The following TANC2 variants were observed in gnomAD, a reference collection of about 807,000 sequenced individuals.
TANC2 encodes the protein tetratricopeptide repeat, ankyrin repeat and coiled-coil containing 2, also known as protein TANC2.
TANC2 carries 26 observed loss-of-function variants against 210.5 expected under a neutral mutation model. The ratio of observed to expected loss-of-function variants is 0.12; its 90% confidence interval spans 0.09 to 0.17. TANC2 has a LOEUF of 0.17. Ranked by LOEUF, TANC2 falls within the 10% of genes least tolerant of loss-of-function variation. The pLI is 1.00. For missense variants in TANC2, 2,129 were observed against 2,608.9 expected (o/e 0.82, Z 4.01); for synonymous variants, 931 against 967.1 (o/e 0.96, Z 0.69).
At chr17:63,208,940 T>A (rs1263539779) in intron 7 of TANC2, among the ~76,000 whole-genome samples, 1 of 152,180 alleles carries the variant, frequency 6.6e-6, no homozygotes, top group Non-Finnish European at 1.5e-5. Context: ...AAATAATGAC[T>A]TTTTATGTTT....
chr17:63,170,080 C>T (rs907923795), intron 5 of TANC2, among the ~76,000 whole-genome samples: 1 of 147,992 alleles, frequency 6.8e-6, no homozygotes, highest in African/African-American at 2.5e-5. Context: ...GATCGCGCCA[C>T]TGCACTCCAA....
At chr17:63,281,647 T>C (rs1164144720) in intron 9 of TANC2, among the ~76,000 whole-genome samples, 1 of 152,072 alleles carries the variant, frequency 6.6e-6, no homozygotes, top group Non-Finnish European at 1.5e-5. Context: ...TGTAATTGAA[T>C]AATGTATCCC....
chr17:63,002,807 T>C (rs2033447162), intron 1 of TANC2, among the ~76,000 whole-genome samples: 1 of 152,246 alleles, frequency 6.6e-6, no homozygotes, highest in Non-Finnish European at 1.5e-5. Context: ...CTGTGTTGAC[T>C]GTATGAGTAG....
intron 8 of TANC2, among the ~76,000 whole-genome samples, chr17:63,246,314 A>G (rs1006770624): frequency 6.6e-6 from 1 of 151,894 alleles, no homozygotes. Context: ...TTTAAAAACA[A>G]GTATATTGAG....
chr17:63,104,819 A>G (rs906312593), intron 4 of TANC2, among the ~76,000 whole-genome samples: 3 of 151,904 alleles, frequency 2.0e-5, no homozygotes, highest in African/African-American at 7.3e-5. Flanking sequence ...AGACAGTATA[A>G]CAAAATGAAC....
intron 5 of TANC2, among the ~76,000 whole-genome samples, chr17:63,158,845 T>C (rs1482547403): frequency 2.0e-5 from 3 of 152,224 alleles, no homozygotes; most frequent in Non-Finnish European, 4.4e-5. Flanking sequence ...CAGCTGAGGC[T>C]GTAGTCATCT....
At chr17:63,131,580 A>G (rs988350183) in intron 4 of TANC2, among the ~76,000 whole-genome samples, 2 of 151,810 alleles carry the variant, frequency 1.3e-5, no homozygotes, top group Non-Finnish European at 2.9e-5. Flanking sequence ...TGGAATGTAA[A>G]TTTGCTTTCA....
chr17:63,014,176 T>C (rs886265649), intron 2 of TANC2, among the ~76,000 whole-genome samples: 1 of 152,194 alleles, frequency 6.6e-6, no homozygotes, highest in African/African-American at 2.4e-5. Context: ...AATTATTGAA[T>C]TTTTCAATTC....
At chr17:63,318,075 T>C (rs2045369813) in intron 10 of TANC2, among the ~76,000 whole-genome samples, 1 of 152,178 alleles carries the variant, frequency 6.6e-6, no homozygotes, top group African/African-American at 2.4e-5. Context: ...GACCAAGAAA[T>C]TTACTGCACC....
At chr17:63,172,595 A>G (rs1331361059) in intron 5 of TANC2, among the ~76,000 whole-genome samples, 1 of 152,220 alleles carries the variant, frequency 6.6e-6, no homozygotes, top group Non-Finnish European at 1.5e-5. Context: ...ACCCATTTAA[A>G]TAATTTAATA....
intron 12 of TANC2, among the ~76,000 whole-genome samples, chr17:63,349,497 C>G (rs2046527968): frequency 6.6e-6 from 1 of 152,110 alleles, no homozygotes; most frequent in Non-Finnish European, 1.5e-5. Flanking sequence ...CAGTGGTGTG[C>G]TGGTAAATTT....
At chr17:63,293,024 G>A (rs536348732) in intron 9 of TANC2, among the ~76,000 whole-genome samples, 44 of 152,276 alleles carry the variant, frequency 2.9e-4, no homozygotes, top group Admixed American at 2.4e-3. Flanking sequence ...TTTACAGAAT[G>A]TATCTAGAGT....
At position 63,205,344 on chromosome 17, in the gene TANC2, CAAAAA is replaced by C. The variant is rs1158768609; in HGVS notation, c.769+4411_769+4415del. 3.7e-3 allele frequency among the ~76,000 whole-genome samples: 30 copies of C among 8,072 alleles called. 1 individual carries two copies. Among genetic ancestry groups the C allele is most frequent in the African/African-American group, 0.013 (25 of 1,876 alleles). 5.3% of individuals were successfully genotyped at this position (8,072 alleles called of 152,430 possible). On this transcript the variant is annotated intron_variant, in intron 7 of 27. Coordinates refer to ENST00000689528, the Ensembl canonical transcript of TANC2. ...ACTGCTCAAAATTTAACCAAGGAGG[CAAAAA>C]AAAAAAAAAAAAAAAAAAAAAAACC...
At chr17:63,051,762 G>A (rs1598318274) in intron 2 of TANC2, among the ~76,000 whole-genome samples, 1 of 152,098 alleles carries the variant, frequency 6.6e-6, no homozygotes, top group African/African-American at 2.4e-5. Context: ...ACATGAAACA[G>A]TCAACACTTT....
intron 5 of TANC2, among the ~76,000 whole-genome samples, chr17:63,160,396 T>G (rs2039986882): frequency 6.6e-6 from 1 of 152,194 alleles, no homozygotes; most frequent in African/African-American, 2.4e-5. Context: ...AAAAATAGTT[T>G]AAAAAACTTA....
intron 9 of TANC2, among the ~76,000 whole-genome samples, chr17:63,282,740 G>T (rs1207122879): frequency 6.6e-6 from 1 of 152,038 alleles, no homozygotes; most frequent in Non-Finnish European, 1.5e-5. Context: ...ACTATGTAGT[G>T]ATGTCTCACT....
At chr17:63,277,620 C>G (rs2043922401) in intron 9 of TANC2, among the ~76,000 whole-genome samples, 1 of 151,326 alleles carries the variant, frequency 6.6e-6, no homozygotes, top group South Asian at 2.1e-4. Flanking sequence ...AGTTTATTAC[C>G]TTTAAAATTA....
At chr17:63,216,162 C>A (rs946857861) in intron 7 of TANC2, among the ~76,000 whole-genome samples, 5 of 152,186 alleles carry the variant, frequency 3.3e-5, no homozygotes, top group Non-Finnish European at 7.3e-5. Flanking sequence ...GATTCTCATG[C>A]CTCAGCCTCT....
intron 26 of TANC2, among the ~76,000 whole-genome samples, chr17:63,417,495 G>A (rs1290473529): frequency 2.0e-5 from 3 of 152,120 alleles, no homozygotes; most frequent in African/African-American, 7.2e-5. Flanking sequence ...CCTCTAGGGA[G>A]AGCACAGACC....
Sources: gnomAD v4.1 joint callset for allele counts (sites outside exome capture counted in the v4.1 genomes callset) on GRCh38, gnomAD v4.1.1 for gene constraint, MANE v1.5 for transcripts, NCBI Gene and HGNC (gene_info 2026-07-23, HGNC 2026-07-21) for gene names.